Variants in PIGF observed in about 807,000 individuals in gnomAD.
PIGF encodes the protein phosphatidylinositol glycan anchor biosynthesis class F.
In PIGF, 23 loss-of-function variants were observed where a neutral mutation model predicts 26.0. That is an observed-to-expected ratio of 0.88 (90% CI 0.64 to 1.25). The LOEUF (loss-of-function observed/expected upper bound fraction) is 1.25, where lower values mean the gene tolerates loss of function less well. Among genes scored for constraint, PIGF ranks in the 50% most tolerant of loss-of-function variants. The pLI, the probability that PIGF is intolerant of heterozygous loss-of-function variation, is 0.00. For missense variants in PIGF, 278 were observed against 249.9 expected (o/e 1.11, Z -0.76); for synonymous variants, 93 against 92.6 (o/e 1.00, Z -0.03).
In PIGF at chr2:46,589,235, T is replaced by C. The variant is rs1669661465; in HGVS notation, c.546+3240A>G. On this transcript the variant is annotated intron_variant, in intron 5 of 5. Transcript: ENST00000281382. The surrounding 1 kb of genome is among the most constrained non-coding windows in gnomAD (Gnocchi z 4.7). ...CTCCAACTATAAAGATGCCTAATCT[T>C]TCATCACTTGCCATTATTTAAAATC... 6.6e-6 allele frequency among the ~76,000 whole-genome samples: 1 copy of C among 152,080 alleles called. No individual in the cohort carries two copies. The highest frequency in any genetic ancestry group is 6.5e-5 in the Admixed American group (1 of 15,270).
chr2:46,613,818 G>T (rs1300067820), intron 2 of PIGF, 33 bp from the exon 3 acceptor site: 1 of 1,493,840 alleles, frequency 6.7e-7, no homozygotes, highest in Non-Finnish European at 9.1e-7. Flanking sequence ...GAAGATTCAA[G>T]ATAATGCTTA....
At chr2:46,582,038 G>C (rs1013237437) in intron 5 of PIGF, 1 of 155,728 alleles carries the variant, frequency 6.4e-6, no homozygotes, top group Non-Finnish European at 1.4e-5. Context: ...GAAAGACCTA[G>C]AATCCAAGCG....
intron 4 of PIGF, among the ~76,000 whole-genome samples, chr2:46,594,840 G>GT (rs70940629): frequency 0.37 from 53,167 of 143,816 alleles, 10,116 homozygotes; most frequent in East Asian, 0.62. Context: ...GGCCCTCACC[G>GT]TTTTTTTTTT....
chr2:46,616,513 G>A (rs1026194169), intron 1 of PIGF: 9 of 153,052 alleles, frequency 5.9e-5, no homozygotes, highest in African/African-American at 2.2e-4. Flanking sequence ...AACCAGCACC[G>A]GTTAGGCCCT....
Position 46,601,774 on chromosome 2 carries a change from T to A in PIGF, c.438-9191A>T, listed in dbSNP as rs1440508254. On this transcript the variant is annotated intron_variant, in intron 4 of 5. Coordinates refer to ENST00000281382, the MANE Select transcript of PIGF (RefSeq NM_002643.4). ...TATAAAATCTATTTCAATACAAAGA[T>A]GACAAAAAGAGGCCTATTATCTTTG... 2.0e-5 allele frequency among the ~76,000 whole-genome samples: 3 copies of A among 152,016 alleles called. No individual in the cohort carries two copies. The East Asian group carries it at 5.8e-4, about 29-fold the overall frequency.
chr2:46,590,910 C>G (rs1021932493), intron 5 of PIGF, among the ~76,000 whole-genome samples: 1 of 152,086 alleles, frequency 6.6e-6, no homozygotes, highest in Non-Finnish European at 1.5e-5. Flanking sequence ...ATTTGACTTT[C>G]GGGGAGACAC....
At chr2:46,606,907 G>A (rs1048769919) in intron 4 of PIGF, among the ~76,000 whole-genome samples, 2 of 152,138 alleles carry the variant, frequency 1.3e-5, no homozygotes, top group African/African-American at 4.8e-5. Flanking sequence ...CCATACAATG[G>A]AATATTATTC....
intron 4 of PIGF, 143 bp from the exon 5 acceptor site, chr2:46,592,726 C>T: frequency 1.7e-6 from 1 of 581,658 alleles, no homozygotes; most frequent in Non-Finnish European, 3.2e-6. Context: ...TACATATTTA[C>T]CATGAACTAT....
chr2:46,614,843 A>C (rs1014431265), intron 2 of PIGF, 94 bp downstream of exon 2: 1 of 650,378 alleles, frequency 1.5e-6, no homozygotes, highest in Non-Finnish European at 2.7e-6. Flanking sequence ...GCTCACTATA[A>C]ATAAGCTAAT....
intron 1 of PIGF, 187 bp downstream of exon 1, chr2:46,616,783 G>A (rs868346818): frequency 1.1e-5 from 2 of 184,854 alleles, no homozygotes; most frequent in South Asian, 8.0e-5. Flanking sequence ...AGGGAAAACT[G>A]GGGGACAGAG....
chr2:46,611,962 C>CT (rs34521428), intron 4 of PIGF, among the ~76,000 whole-genome samples: 17 of 147,234 alleles, frequency 1.2e-4, no homozygotes, highest in African/African-American at 2.5e-4. Context: ...TCTTCTTCTT[C>CT]TTTTTTTTTT....
intron 5 of PIGF, among the ~76,000 whole-genome samples, chr2:46,585,318 A>G (rs1669535404): frequency 6.6e-6 from 1 of 152,230 alleles, no homozygotes; most frequent in Non-Finnish European, 1.5e-5. Flanking sequence ...TTATAAATTT[A>G]CATTTTTTTA....
intron 5 of PIGF, among the ~76,000 whole-genome samples, chr2:46,583,774 A>G (rs1669480355): frequency 6.6e-6 from 1 of 152,182 alleles, no homozygotes; most frequent in Admixed American, 6.5e-5. Context: ...TGGGAAATAA[A>G]CTGCTTCAAA....
rs748792572 is a variant in PIGF at position 46,581,042 on chromosome 2, A to C, written c.*436T>G. ...TCCAAAGAAACACACTGTAAAAAAA[A>C]GAATAGGATCAAGATGTATAAACTG... On this transcript the variant is annotated 3_prime_UTR_variant, in exon 6 of 6. Transcript: ENST00000281382. 1.6e-5 allele frequency: 25 copies of C among 1,583,420 alleles called. No homozygotes were observed. In the South Asian group the frequency reaches 2.8e-4, roughly 18 times the overall value.
At chr2:46,613,928 T>A (rs565897396) in intron 2 of PIGF, 143 bp from the exon 3 acceptor site, 31 of 679,062 alleles carry the variant, frequency 4.6e-5, no homozygotes, top group African/African-American at 4.5e-4. Context: ...TCAGATCACA[T>A]GTCCTGTACC....
intron 5 of PIGF, among the ~76,000 whole-genome samples, chr2:46,585,146 T>C (rs988692387): frequency 2.6e-5 from 4 of 152,196 alleles, no homozygotes; most frequent in African/African-American, 9.6e-5. Flanking sequence ...TTCTCCAAAT[T>C]ATGGTAATCT....
In PIGF at chr2:46,592,352, A is replaced by T. The variant is rs111325187; in HGVS notation, c.546+123T>A. 1.7e-3 allele frequency: 1,100 copies of T among 638,262 alleles called. 13 individuals carry two copies. The African/African-American group carries it at 0.018, about 10-fold the overall frequency. 39.5% of individuals were successfully genotyped at this position (638,262 alleles called of 1,614,324 possible). ...AGCTGCCCAGATTACAGTGACTGAT[A>T]GAAGTGGTATCCCTACTTAATTGAA... On this transcript the variant is annotated intron_variant, in intron 5 of 5. Coordinates refer to ENST00000281382, the MANE Select transcript of PIGF (RefSeq NM_002643.4).
intron 5 of PIGF, 42 bp downstream of exon 5, chr2:46,592,433 G>T (rs200892481): frequency 1.1e-5 from 11 of 997,440 alleles, no homozygotes; most frequent in Non-Finnish European, 1.5e-5. Flanking sequence ...TACTATCATT[G>T]TACAAACATT....
At chr2:46,604,814 A>G (rs529510256) in intron 4 of PIGF, among the ~76,000 whole-genome samples, 2 of 152,140 alleles carry the variant, frequency 1.3e-5, no homozygotes, top group South Asian at 4.1e-4. Context: ...GGGTGACTAT[A>G]GTCAATAATA....
Sources: gnomAD v4.1 joint callset for allele counts (sites outside exome capture counted in the v4.1 genomes callset) on GRCh38, gnomAD v4.1.1 for gene constraint, Gnocchi (gnomAD v3.1) non-coding constraint, MANE v1.5 for transcripts, NCBI Gene and HGNC (gene_info 2026-07-23, HGNC 2026-07-21) for gene names.